Variants in FOCAD observed in about 807,000 individuals in gnomAD.
The protein encoded by FOCAD is KIAA1797.
Under a neutral mutation model 225.6 loss-of-function variants are expected in FOCAD, and 198 were observed. That is an observed-to-expected ratio of 0.88 (90% CI 0.78 to 0.99). The LOEUF (loss-of-function observed/expected upper bound fraction) is 0.99, where lower values mean the gene tolerates loss of function less well. FOCAD is among the 50% of genes least tolerant of loss of function. The pLI is 0.00. For missense variants in FOCAD, 2,713 were observed against 2,123.6 expected, an observed-to-expected ratio of 1.28 and a Z score of -5.46; for synonymous variants, 897 against 755.0, an observed-to-expected ratio of 1.19 and a Z score of -3.08.
intron 1 of FOCAD, among the ~76,000 whole-genome samples, chr9:20,708,376 A>C (rs780843824): frequency 8.5e-5 from 13 of 152,194 alleles, no homozygotes; most frequent in Non-Finnish European, 1.9e-4. Context: ...TTGTGTCTCT[A>C]AAACATAGAG....
chr9:20,776,274 G>A (rs1021755531), intron 8 of FOCAD, among the ~76,000 whole-genome samples: 2 of 152,162 alleles, frequency 1.3e-5, no homozygotes, highest in East Asian at 1.9e-4. Context: ...TCTAGAGTGC[G>A]CTATTCTGGG....
At chr9:20,660,545 A>C (rs1296547648) in intron 2 of FOCAD, among the ~76,000 whole-genome samples, 2 of 152,238 alleles carry the variant, frequency 1.3e-5, no homozygotes, top group African/African-American at 4.8e-5. Flanking sequence ...AAGTCAGTAT[A>C]AAATCTGAGG....
intron 4 of FOCAD, 25 bp from the exon 5 acceptor site, chr9:20,740,210 AT>A (rs1389923108): frequency 7.2e-6 from 10 of 1,393,380 alleles, no homozygotes; most frequent in Non-Finnish European, 1.0e-5. Flanking sequence ...TATCTATAAC[AT>A]TTAACATGCT....
intron 5 of FOCAD, among the ~76,000 whole-genome samples, chr9:20,754,977 T>C (rs1563948282): frequency 6.6e-6 from 1 of 152,250 alleles, no homozygotes; most frequent in East Asian, 1.9e-4. Flanking sequence ...AGGGAGAATT[T>C]AGCTGTTTGC....
chr9:20,783,577 T>G (rs1184599987), intron 10 of FOCAD, among the ~76,000 whole-genome samples: 2 of 145,142 alleles, frequency 1.4e-5, no homozygotes, highest in Non-Finnish European at 3.1e-5. Context: ...ATTATTTGAC[T>G]ATTGGATTTT....
chr9:20,889,549 T>A (rs1370467384), intron 21 of FOCAD, among the ~76,000 whole-genome samples: 13 of 152,208 alleles, frequency 8.5e-5, no homozygotes, highest in African/African-American at 2.7e-4. Context: ...CACTTGCCCA[T>A]ATATGTTTGG....
At chr9:20,855,778 AT>A (rs1446931205) in intron 15 of FOCAD, among the ~76,000 whole-genome samples, 6 of 139,748 alleles carry the variant, frequency 4.3e-5, no homozygotes, top group Admixed American at 1.4e-4. Flanking sequence ...GTTAACCATC[AT>A]TTTACCCCTA....
chr9:20,737,833 G>C (rs1480707676), intron 4 of FOCAD, among the ~76,000 whole-genome samples: 1 of 152,212 alleles, frequency 6.6e-6, no homozygotes, highest in Non-Finnish European at 1.5e-5. Flanking sequence ...ATTTGGAGGA[G>C]TCAGATCCCA....
At chr9:20,899,371 G>A (rs1832375493) in intron 21 of FOCAD, among the ~76,000 whole-genome samples, 1 of 151,794 alleles carries the variant, frequency 6.6e-6, no homozygotes, top group Non-Finnish European at 1.5e-5. Context: ...TATGATTCAG[G>A]TTTTCCTGCC....
intron 4 of FOCAD, among the ~76,000 whole-genome samples, chr9:20,721,449 C>G (rs1193640335): frequency 6.6e-6 from 1 of 152,110 alleles, no homozygotes; most frequent in East Asian, 1.9e-4. Context: ...CGCCTGTAAT[C>G]CTAGCACTTT....
intron 1 of FOCAD, among the ~76,000 whole-genome samples, chr9:20,708,608 AAAAATTTT>A (rs1010178894): frequency 5.9e-5 from 9 of 151,814 alleles, no homozygotes; most frequent in African/African-American, 1.7e-4. Flanking sequence ...CGTTGCTACA[AAAAATTTT>A]AAAAAAACTT....
At chr9:20,723,628 T>G (rs1485539899) in intron 4 of FOCAD, among the ~76,000 whole-genome samples, 7 of 152,276 alleles carry the variant, frequency 4.6e-5, no homozygotes, top group Non-Finnish European at 1.0e-4. Context: ...GGTCTTATTA[T>G]ATTCTATGTA....
At chr9:20,885,439 A>G in intron 21 of FOCAD, 1 of 306,670 alleles carries the variant, frequency 3.3e-6, no homozygotes, top group South Asian at 1.3e-4. Context: ...TGCCCAGCGT[A>G]TTTATTAGGG....
chr9:20,804,898 C>A (rs1308277439), intron 11 of FOCAD, among the ~76,000 whole-genome samples: 2 of 152,064 alleles, frequency 1.3e-5, no homozygotes, highest in Non-Finnish European at 2.9e-5. Flanking sequence ...TCACATTATT[C>A]TTTTCAGATC....
chr9:20,726,727 T>C (rs1313754720), intron 4 of FOCAD, among the ~76,000 whole-genome samples: 1 of 152,172 alleles, frequency 6.6e-6, no homozygotes, highest in African/African-American at 2.4e-5. Flanking sequence ...AGATTTAGGA[T>C]GATTTATGGA....
intron 1 of FOCAD, among the ~76,000 whole-genome samples, chr9:20,689,296 T>A (rs1241474506): frequency 6.6e-6 from 1 of 152,120 alleles, no homozygotes; most frequent in Non-Finnish European, 1.5e-5. Flanking sequence ...GTGCATTCGA[T>A]GAATTGCTCA....
chr9:20,810,080 T>C (rs1165711413), intron 11 of FOCAD, among the ~76,000 whole-genome samples: 1 of 152,094 alleles, frequency 6.6e-6, no homozygotes, highest in East Asian at 1.9e-4. Flanking sequence ...AGTGAAAGGA[T>C]AGAAAGCAAA....
intron 5 of FOCAD, among the ~76,000 whole-genome samples, chr9:20,743,826 G>C (rs114004904): frequency 1.3e-3 from 202 of 152,282 alleles, no homozygotes; most frequent in African/African-American, 4.6e-3. Context: ...GAGCTTGATG[G>C]TTCCATACGT....
chr9:20,987,461 T>C (rs1307077075), intron 40 of FOCAD, among the ~76,000 whole-genome samples: 8 of 149,080 alleles, frequency 5.4e-5, no homozygotes, highest in South Asian at 2.1e-4. Flanking sequence ...TGAGCCAAGA[T>C]CCCACCACTG....
Sources: allele counts gnomAD v4.1 joint callset (sites outside exome capture counted in the v4.1 genomes callset), GRCh38; gene constraint gnomAD v4.1.1; transcripts MANE v1.5; gene names NCBI Gene and HGNC (gene_info 2026-07-23, HGNC 2026-07-21).